The following SLC27A5 variants were observed in gnomAD, a reference collection of about 807,000 sequenced individuals.
SLC27A5 encodes long-chain fatty acid transport protein 5.
SLC27A5 carries 47 observed loss-of-function variants against 63.1 expected under a neutral mutation model. The observed-to-expected ratio is 0.74, with a 90% CI of 0.59 to 0.95. SLC27A5 has a LOEUF of 0.95. SLC27A5 is among the 40% of genes least tolerant of loss of function. The probability of loss-of-function intolerance (pLI) is 0.00; values close to 1 mark genes in which losing one functional copy is unlikely to be tolerated. For synonymous variants in SLC27A5, 391 were observed against 403.8 expected (o/e 0.97, Z 0.38); for missense variants, 940 against 921.0 (o/e 1.02, Z -0.27).
At chr19:58,503,002 C>T (rs577590440) in intron 3 of SLC27A5, among the ~76,000 whole-genome samples, 4 of 151,794 alleles carry the variant, frequency 2.6e-5, no homozygotes, top group African/African-American at 4.8e-5. Context: ...GTCAGGAGAT[C>T]AAGACCATCC....
At chr19:58,507,829 C>G (rs1445611019) in intron 3 of SLC27A5, 1 of 152,012 alleles carries the variant, frequency 6.6e-6, no homozygotes, top group Non-Finnish European at 1.5e-5. Flanking sequence ...TGAGATGCAC[C>G]CTGGTCTCCT....
In SLC27A5 at chr19:58,500,362, C is replaced by T. The variant is rs753176887; in HGVS notation, c.1445G>A (p.Gly482Asp). ...ACCTAGCCCTACAGGGATGCAGAAG[C>T]CCTGATTGTCCCTCACAGGCTCCGC... ...EAAEPVRDNQ[G>D]FCIPVGLGEP... The change falls in exon 6 of 10, where the codon GGC becomes GAC. Residue 482 changes from glycine to aspartate, a missense_variant. Gly to Asp is a moderately conservative substitution (Grantham distance 94, BLOSUM62 -1). Transcript: ENST00000263093. 5.0e-6 allele frequency: 8 copies of T among 1,613,532 alleles called. 1 individual carries two copies. The South Asian group carries it at 8.8e-5, about 18-fold the overall frequency.
In SLC27A5 at chr19:58,501,309, G is replaced by A. The variant is rs371423777; in HGVS notation, c.1159C>T (p.Arg387Trp). 67 of 1,613,438 alleles carry A rather than the reference G, an allele frequency of 4.2e-5. No homozygotes were observed. The highest frequency in any genetic ancestry group is 6.7e-5 in the East Asian group (3 of 44,856). Residue 387 changes from arginine (R) to tryptophan (W), a missense_variant, in exon 4 of 10, where the codon CGG (arginine) becomes TGG (tryptophan). Coordinates refer to ENST00000263093, the MANE Select transcript of SLC27A5 (RefSeq NM_012254.3). The part of the protein sequence containing the change: ...TVILYVGELL[R>W]YLCNIPQQPE... ...ACCTGGGGAATGTTACACAAGTACC[G>A]CAGGAGCTCGCCCACATACAGGATC...
Position 58,511,522 on chromosome 19 carries a change from A to C in SLC27A5, c.434T>G (p.Phe145Cys). The change falls in exon 1 of 10, where the codon TTT becomes TGT. Residue 145 changes from phenylalanine to cysteine, a missense_variant. Physicochemically the swap from Phe to Cys is radical, Grantham distance 205 (BLOSUM62 -2). Coordinates refer to ENST00000263093, the MANE Select transcript of SLC27A5 (RefSeq NM_012254.3). ...GCAGGCCCGGGCATCCAGCTCACCA[A>C]AGGTGACTGAGCCGGCCCCAGGCCC... is the stretch of plus-strand genomic sequence containing the variant. ...WTGPGAGSVT[F>C]GELDARACQA... 1.3e-6 allele frequency: 2 copies of C among 1,569,374 alleles called. No individual in the cohort carries two copies. Among genetic ancestry groups the C allele is most frequent in the Non-Finnish European group, 1.7e-6 (2 of 1,156,626 alleles).
rs1186164838 is a variant in SLC27A5, at chr19:58,511,769, CA to C, written c.186del (p.His62GlnfsTer3). 6 of 1,553,476 alleles carry C rather than the reference CA, an allele frequency of 3.9e-6. No individual in the cohort carries two copies. Among genetic ancestry groups the C allele is most frequent in the Non-Finnish European group, 5.2e-6 (6 of 1,148,890 alleles). ...AGGGCCGCAGCTGCCAGGCTCAGCC[CA>C]TGGGGCACCCAGGGGCCGAGCCAGG... is the stretch of plus-strand genomic sequence containing the variant. ...ARPWLGPWVP[H>X]GLSLAAAALA... On this transcript the variant is annotated frameshift_variant, in exon 1 of 10. Coordinates refer to ENST00000263093, the MANE Select transcript of SLC27A5 (RefSeq NM_012254.3). LOFTEE classifies it high-confidence loss of function.
At chr19:58,505,159 G>T (rs2053331088) in intron 3 of SLC27A5, among the ~76,000 whole-genome samples, 1 of 145,392 alleles carries the variant, frequency 6.9e-6, no homozygotes. Flanking sequence ...GAATGCAATG[G>T]CTAGATCTCG....
chr19:58,502,931 G>GCGC (rs1232074728), intron 3 of SLC27A5, among the ~76,000 whole-genome samples: 3 of 152,114 alleles, frequency 2.0e-5, no homozygotes, highest in South Asian at 2.1e-4. Flanking sequence ...AGGTGGCTGG[G>GCGC]TGAGGATCGT....
At chr19:58,505,341 C>T (rs1303750959) in intron 3 of SLC27A5, among the ~76,000 whole-genome samples, 5 of 151,734 alleles carry the variant, frequency 3.3e-5, no homozygotes, top group East Asian at 2.0e-4. Flanking sequence ...TCAGGTGTTC[C>T]GCCGGCCTCA....
At chr19:58,500,482 C>T (rs770778388) in intron 5 of SLC27A5, 30 bp downstream of exon 5, 6 of 1,613,678 alleles carry the variant, frequency 3.7e-6, no homozygotes, top group Non-Finnish European at 5.1e-6. Context: ...AGCCTCAGGG[C>T]AGCTGCACAC....
chr19:58,499,763 G>C (rs1182497171), intron 6 of SLC27A5, 73 bp from the exon 7 acceptor site: 1 of 1,456,698 alleles, frequency 6.9e-7, no homozygotes, highest in African/African-American at 1.4e-5. Context: ...TTCAACAACG[G>C]TGGACTCTTC....
At chr19:58,499,056 TA>T (rs905173513) in intron 8 of SLC27A5, 66 bp downstream of exon 8, 39 of 1,605,840 alleles carry the variant, frequency 2.4e-5, no homozygotes, top group Non-Finnish European at 3.3e-5. Context: ...TCCCCACCTG[TA>T]AAATCAGAAT....
intron 3 of SLC27A5, among the ~76,000 whole-genome samples, chr19:58,505,848 C>CAAA (rs34890544): frequency 4.8e-5 from 4 of 83,566 alleles, no homozygotes; most frequent in Admixed American, 2.7e-4. Context: ...AACCCCGACT[C>CAAA]AAAAAAAAAA....
At chr19:58,510,037 G>C in intron 2 of SLC27A5, 32 bp from the exon 3 acceptor site, 2 of 1,604,332 alleles carry the variant, frequency 1.2e-6, no homozygotes, top group Non-Finnish European at 1.7e-6. Flanking sequence ...GGGCAGGGTG[G>C]TGACATGACA....
Position 58,501,070 on chromosome 19 carries a change from T to A in SLC27A5, c.1182+216A>T. 3 of 1,210,592 alleles carry A rather than the reference T, an allele frequency of 2.5e-6. No homozygotes were observed. The Admixed American group carries it at 8.5e-5, about 34-fold the overall frequency. 75.0% of individuals were successfully genotyped at this position (1,210,592 alleles called of 1,614,324 possible). On this transcript the variant is annotated intron_variant, in intron 4 of 9. Transcript: ENST00000263093. ...CTCATGATAGGGGTAGGGGCTATTA[T>A]CCCTGTTTTCCAAATGAGGACACTG... is the stretch of plus-strand genomic sequence containing the variant.
intron 8 of SLC27A5, 86 bp downstream of exon 8, chr19:58,499,037 C>A (rs1271335279): frequency 1.9e-6 from 3 of 1,600,014 alleles, no homozygotes; most frequent in Non-Finnish European, 2.6e-6. Context: ...CTCTCTGGGC[C>A]CTAGCACTTC....
At chr19:58,500,460 T>A (rs749365770) in intron 5 of SLC27A5, 31 bp from the exon 6 acceptor site, 1 of 1,613,274 alleles carries the variant, frequency 6.2e-7, no homozygotes, top group Non-Finnish European at 8.5e-7. Flanking sequence ...TTGACATAGG[T>A]CCTGTGGGCT....
intron 3 of SLC27A5, among the ~76,000 whole-genome samples, chr19:58,504,573 TGGGGGGGGGGG>T (rs57027973): frequency 1.6e-5 from 1 of 62,068 alleles, no homozygotes; most frequent in African/African-American, 1.1e-4. Flanking sequence ...GATTGAACCC[TGGGGGGGGGGG>T]GGGGGCGGGC....
chr19:58,511,840 T>TC lies in SLC27A5; in HGVS notation c.115dup (p.Asp39GlyfsTer52). Reference sequence around the variant, plus strand: ...CCCAAGTAGCACGCAACATGTGGGATCCCCCAGGAGCCAGCGCAGGGTCAA... The same window carrying TC: ...CCCAAGTAGCACGCAACATGTGGGATCCCCCCAGGAGCCAGCGCAGGGTCAA... On this transcript the variant is annotated frameshift_variant, in exon 1 of 10. Coordinates refer to ENST00000263093, the MANE Select transcript of SLC27A5 (RefSeq NM_012254.3). LOFTEE classifies it high-confidence loss of function. 1.3e-6 allele frequency: 2 copies of TC among 1,558,308 alleles called. No individual in the cohort carries two copies. Among genetic ancestry groups the TC allele is most frequent in the East Asian group, 4.8e-5 (2 of 41,576 alleles).
chr19:58,502,463 ACAGAG>A (rs2053286866), intron 3 of SLC27A5, among the ~76,000 whole-genome samples: 1 of 134,416 alleles, frequency 7.4e-6, no homozygotes, highest in Non-Finnish European at 1.6e-5. Flanking sequence ...GGATGGGTGA[ACAGAG>A]TAGTGAGTGA....
Sources: allele counts gnomAD v4.1 joint callset (sites outside exome capture counted in the v4.1 genomes callset), GRCh38; gene constraint gnomAD v4.1.1; transcripts MANE v1.5; gene names NCBI Gene and HGNC (gene_info 2026-07-23, HGNC 2026-07-21).